Variants in EMC7 observed in about 807,000 individuals in gnomAD.
EMC7 encodes the protein endoplasmic reticulum membrane protein complex subunit 7.
EMC7 carries 4 observed loss-of-function variants against 24.4 expected under a neutral mutation model. The ratio of observed to expected loss-of-function variants is 0.16; its 90% CI spans 0.08 to 0.38. The LOEUF (loss-of-function observed/expected upper bound fraction) is 0.38. Ranked by LOEUF, EMC7 falls within the 10% of genes least tolerant of loss-of-function variation. The pLI is 1.00. For missense variants in EMC7, 221 were observed against 300.6 expected (o/e 0.74, Z 1.96); for synonymous variants, 106 against 112.0 (o/e 0.95, Z 0.34).
chr15:34,092,261 T>TCTCACACACACACA (rs1555523197), intron 2 of EMC7, among the ~76,000 whole-genome samples: 1 of 141,564 alleles, frequency 7.1e-6, no homozygotes, highest in African/African-American at 2.6e-5. Flanking sequence ...TGAGACTCCG[T>TCTCACACACACACA]CACACACACA....
At chr15:34,099,486 A>G (rs942424358) in intron 1 of EMC7, among the ~76,000 whole-genome samples, 4 of 152,236 alleles carry the variant, frequency 2.6e-5, no homozygotes, top group South Asian at 2.1e-4. Context: ...GCCACCTCCA[A>G]TAAGCACAAA....
At chr15:34,091,815 C>T (rs1010295155) in intron 2 of EMC7, among the ~76,000 whole-genome samples, 1 of 152,046 alleles carries the variant, frequency 6.6e-6, no homozygotes, top group Non-Finnish European at 1.5e-5. Flanking sequence ...ATAGTTTATC[C>T]CCTAGGGATT....
chr15:34,101,434 A>G (rs1901171800), intron 1 of EMC7, among the ~76,000 whole-genome samples, 170 bp downstream of exon 1: 1 of 152,116 alleles, frequency 6.6e-6, no homozygotes, highest in African/African-American at 2.4e-5. Flanking sequence ...GGACCAGGAA[A>G]GGGAAAGCAT....
chr15:34,097,039 C>CTTTTTT (rs553769836), intron 1 of EMC7, among the ~76,000 whole-genome samples: 1 of 97,622 alleles, frequency 1.0e-5, no homozygotes, highest in Non-Finnish European at 1.9e-5. Flanking sequence ...TGTTCTTCTT[C>CTTTTTT]TTTTTTTTTT....
chr15:34,090,454 C>A lies in EMC7; in HGVS notation c.358G>T (p.Ala120Ser), dbSNP rs1413578233. The change falls in exon 3 of 5, where the codon GCA becomes TCA. Residue 120 changes from alanine (A) to serine (S), a missense_variant and splice_region_variant. Around this residue, in one of 2 missense-constraint regions of EMC7, gnomAD observed 156 missense variants for 177.1 expected, o/e 0.88. Coordinates refer to ENST00000256545, the MANE Select transcript of EMC7 (RefSeq NM_020154.3). ...VDITSKGKMR[A>S]RYVNYIKTSE... ...GTTTTGATGTAATTCACATATCTTG[C>A]TCTGATAAAGCAACATGGGGAAAGC... is the stretch of plus-strand genomic sequence containing the variant. 3 of 1,609,724 alleles carry A rather than the reference C, an allele frequency of 1.9e-6. No homozygotes were observed. The highest frequency in any genetic ancestry group is 1.7e-5 in the Admixed American group (1 of 59,048).
chr15:34,091,229 G>A (rs896092291), intron 2 of EMC7, among the ~76,000 whole-genome samples: 1 of 151,810 alleles, frequency 6.6e-6, no homozygotes, highest in Non-Finnish European at 1.5e-5. Flanking sequence ...TCATTTCTAT[G>A]GCAGTCTTTT....
At chr15:34,100,001 ATGT>A (rs1901149952) in intron 1 of EMC7, among the ~76,000 whole-genome samples, 1 of 152,224 alleles carries the variant, frequency 6.6e-6, no homozygotes, top group Non-Finnish European at 1.5e-5. Flanking sequence ...AAACTACTAC[ATGT>A]TGTATTTTAC....
intron 1 of EMC7, among the ~76,000 whole-genome samples, 179 bp from the exon 2 acceptor site, chr15:34,096,193 C>T (rs1354276560): frequency 3.3e-5 from 5 of 152,232 alleles, no homozygotes; most frequent in Non-Finnish European, 5.9e-5. Context: ...TCTTTTGAGA[C>T]GGAGTCTCGC....
At chr15:34,091,666 G>A (rs1323302375) in intron 2 of EMC7, among the ~76,000 whole-genome samples, 1 of 152,126 alleles carries the variant, frequency 6.6e-6, no homozygotes, top group Admixed American at 6.5e-5. Flanking sequence ...TAGTACCAAA[G>A]GTCAAAGGGA....
chr15:34,085,580 G>A (rs1470828890), intron 4 of EMC7, among the ~76,000 whole-genome samples: 1 of 151,728 alleles, frequency 6.6e-6, no homozygotes, highest in Non-Finnish European at 1.5e-5. Context: ...ACACAGCACA[G>A]CACTAGGCTT....
chr15:34,088,743 C>G (rs987211670), intron 3 of EMC7, among the ~76,000 whole-genome samples: 1 of 152,142 alleles, frequency 6.6e-6, no homozygotes, highest in Non-Finnish European at 1.5e-5. Context: ...ATTACAGATT[C>G]TAGGTACTAA....
chr15:34,097,039 C>CTTCTTTTTTTTTTTT (rs1555523492), intron 1 of EMC7, among the ~76,000 whole-genome samples: 12 of 97,620 alleles, frequency 1.2e-4, no homozygotes, highest in Non-Finnish European at 1.7e-4. Flanking sequence ...TGTTCTTCTT[C>CTTCTTTTTTTTTTTT]TTTTTTTTTT....
intron 4 of EMC7, chr15:34,086,324 TAGG>T (rs1359483701): frequency 4.2e-6 from 1 of 239,114 alleles, no homozygotes; most frequent in Admixed American, 4.3e-5. Flanking sequence ...TGATGCCAAG[TAGG>T]AGATGGTGCC....
intron 2 of EMC7, 76 bp from the exon 3 acceptor site, chr15:34,090,531 A>C: frequency 1.4e-6 from 2 of 1,476,322 alleles, no homozygotes; most frequent in Non-Finnish European, 1.8e-6. Context: ...CTTATATTAT[A>C]TTAGCAATGC....
chr15:34,085,435 ATTC>A lies in EMC7; in HGVS notation c.577-952_577-950del, dbSNP rs1597403099. On this transcript the variant is annotated intron_variant, in intron 4 of 4. Coordinates refer to ENST00000256545, the MANE Select transcript of EMC7 (RefSeq NM_020154.3). ...GTGAACTTAAAATTGACTTTAGTTC[ATTC>A]ATACATGAAAAAGATAGCAAATACT... Among the ~76,000 whole-genome samples the A allele has an allele frequency of 1.5e-4, 23 of 152,296 alleles. No individual in the cohort carries two copies. In the East Asian group the frequency reaches 4.2e-3, roughly 28 times the overall value.
At chr15:34,093,328 T>C (rs896059110) in intron 2 of EMC7, among the ~76,000 whole-genome samples, 4 of 151,816 alleles carry the variant, frequency 2.6e-5, no homozygotes, top group African/African-American at 9.7e-5. Flanking sequence ...TCCCAGCTAC[T>C]CAGGAGGCTG....
chr15:34,095,440 T>A (rs777274734), intron 2 of EMC7, among the ~76,000 whole-genome samples: 2 of 152,184 alleles, frequency 1.3e-5, no homozygotes, highest in Non-Finnish European at 2.9e-5. Flanking sequence ...TATATTTCCA[T>A]TGAACATAAA....
chr15:34,088,798 G>T (rs961826934), intron 3 of EMC7, among the ~76,000 whole-genome samples: 3 of 152,156 alleles, frequency 2.0e-5, no homozygotes, highest in Non-Finnish European at 2.9e-5. Context: ...AACAGATCAT[G>T]TGTGATCTAA....
intron 4 of EMC7, chr15:34,086,093 G>T: frequency 3.0e-6 from 1 of 331,758 alleles, no homozygotes; most frequent in South Asian, 2.9e-5. Flanking sequence ...GGAACTTCCA[G>T]AAGCCACTGG....
Sources: gnomAD v4.1 joint callset for allele counts (sites outside exome capture counted in the v4.1 genomes callset) on GRCh38, gnomAD v4.1.1 for gene constraint, gnomAD v4.1.1 regional missense constraint, MANE v1.5 for transcripts, NCBI Gene and HGNC (gene_info 2026-07-23, HGNC 2026-07-21) for gene names.